Variants in OTUD7A observed in about 807,000 individuals in gnomAD.
OTUD7A encodes OTU deubiquitinase 7A, also known as OTU domain-containing protein 7A.
A neutral mutation model predicts 65.7 loss-of-function variants in OTUD7A; 12 were observed. The ratio of observed to expected loss-of-function variants is 0.18; its 90% CI spans 0.12 to 0.30. The LOEUF is 0.30. Among genes scored for constraint, OTUD7A ranks in the 10% least tolerant of loss-of-function variants. OTUD7A has a pLI of 1.00. For missense variants in OTUD7A, 1,148 were observed against 1,304.8 expected, an observed-to-expected ratio of 0.88 and a Z score of 1.85; for synonymous variants, 641 against 586.3, an observed-to-expected ratio of 1.09 and a Z score of -1.35.
chr15:31,680,863 T>C (rs1892697387), intron 1 of OTUD7A, among the ~76,000 whole-genome samples: 1 of 151,666 alleles, frequency 6.6e-6, no homozygotes, highest in Non-Finnish European at 1.5e-5. Context: ...GGGCTAGTTT[T>C]GAGTTGAGGT....
At chr15:31,636,852 G>T (rs146732252) in intron 3 of OTUD7A, among the ~76,000 whole-genome samples, 95 of 152,284 alleles carry the variant, frequency 6.2e-4, no homozygotes, top group African/African-American at 2.2e-3. Flanking sequence ...CTAATCCAGA[G>T]CAAGACCCTA....
intron 1 of OTUD7A, among the ~76,000 whole-genome samples, chr15:31,685,997 T>C (rs1892827645): frequency 6.6e-6 from 1 of 152,232 alleles, no homozygotes; most frequent in Admixed American, 6.5e-5. Context: ...TTTATACTTA[T>C]GCCATCTCAC....
intron 3 of OTUD7A, among the ~76,000 whole-genome samples, chr15:31,587,346 T>C (rs1010909109): frequency 7.2e-5 from 11 of 151,866 alleles, no homozygotes; most frequent in African/African-American, 2.7e-4. Flanking sequence ...CCTTTGAAAA[T>C]GTAAATCTTG....
At chr15:31,651,445 A>C (rs1891832091) in intron 3 of OTUD7A, among the ~76,000 whole-genome samples, 1 of 152,122 alleles carries the variant, frequency 6.6e-6, no homozygotes, top group Admixed American at 6.5e-5. Context: ...CCACTATTTA[A>C]CCTTTTGAAT....
intron 1 of OTUD7A, among the ~76,000 whole-genome samples, chr15:31,866,038 T>C (rs1777458738): frequency 1.3e-5 from 2 of 152,258 alleles, no homozygotes; most frequent in African/African-American, 2.4e-5. Context: ...ACTTCAATCC[T>C]ACAAAATGAG....
At chr15:31,812,550 C>A (rs74501703) in intron 1 of OTUD7A, among the ~76,000 whole-genome samples, 2,059 of 152,240 alleles carry the variant, frequency 0.014, 43 homozygotes, top group African/African-American at 0.047. Context: ...AGAGCCAAAT[C>A]TCCCTTTTTG....
At chr15:31,767,870 G>T in intron 1 of OTUD7A, 1 of 1,264,790 alleles carries the variant, frequency 7.9e-7, no homozygotes, top group Non-Finnish European at 1.2e-6. Context: ...TCGTGGTAGA[G>T]TTTTAAGTGG....
intron 1 of OTUD7A, among the ~76,000 whole-genome samples, chr15:31,797,996 G>A (rs1179958577): frequency 6.6e-6 from 1 of 152,114 alleles, no homozygotes; most frequent in African/African-American, 2.4e-5. Context: ...GGAGACACCC[G>A]CCTTTTCACT....
At chr15:31,728,587 C>T (rs1893958568) in intron 1 of OTUD7A, among the ~76,000 whole-genome samples, 1 of 151,748 alleles carries the variant, frequency 6.6e-6, no homozygotes, top group Non-Finnish European at 1.5e-5. Context: ...TGTGAGCTTT[C>T]TTCCCTCAAC....
intron 3 of OTUD7A, among the ~76,000 whole-genome samples, chr15:31,611,587 A>G (rs1424653121): frequency 6.6e-6 from 1 of 152,190 alleles, no homozygotes; most frequent in Non-Finnish European, 1.5e-5. Context: ...GGAAAAATAC[A>G]ACCCTCAGCT....
At chr15:31,667,661 T>C (rs1892357481) in intron 1 of OTUD7A, among the ~76,000 whole-genome samples, 1 of 152,210 alleles carries the variant, frequency 6.6e-6, no homozygotes, top group Admixed American at 6.5e-5. Context: ...TACCATTGCA[T>C]TCATTGTGCT....
intron 5 of OTUD7A, among the ~76,000 whole-genome samples, chr15:31,548,995 G>A (rs910310753): frequency 1.3e-5 from 2 of 152,032 alleles, no homozygotes; most frequent in Admixed American, 1.3e-4. Context: ...AATTAGCCAG[G>A]TATGGTGGTG....
At position 31,559,135 on chromosome 15, in the gene OTUD7A, C is replaced by T. The variant is rs1395339696; in HGVS notation, c.384G>A (p.Leu128=). ...ATTCACTTGCCACGTGGGACCGGGC[C>T]AGGGAGACGATGGCTGAGCTGGCGT... The part of the protein sequence containing the change: ...ISHASSAIVS[L]ARSHVASECN... The change falls in exon 5 of 13, where the codon CTG becomes CTA. Residue 128 remains leucine (L), a synonymous_variant. Transcript: ENST00000307050. 1.2e-6 allele frequency: 2 copies of T among 1,614,060 alleles called. No homozygotes were observed. Among genetic ancestry groups the T allele is most frequent in the African/African-American group, 2.7e-5 (2 of 74,910 alleles).
At chr15:31,689,906 C>T (rs1033072882) in intron 1 of OTUD7A, among the ~76,000 whole-genome samples, 66 of 151,920 alleles carry the variant, frequency 4.3e-4, no homozygotes, top group African/African-American at 1.5e-3. Context: ...CTGCAGGGAA[C>T]CTCAAAGTGA....
chr15:31,640,019 C>A (rs1487984233), intron 3 of OTUD7A, among the ~76,000 whole-genome samples: 2 of 152,172 alleles, frequency 1.3e-5, no homozygotes, highest in East Asian at 3.8e-4. Context: ...TTAATGAAGT[C>A]CAATTTATTA....
At chr15:31,855,272 G>A (rs1320261014) in intron 1 of OTUD7A, among the ~76,000 whole-genome samples, 2 of 152,048 alleles carry the variant, frequency 1.3e-5, no homozygotes, top group Non-Finnish European at 1.5e-5. Context: ...AAAACAGGCT[G>A]ACTTCAAATT....
At chr15:31,754,846 C>A (rs183751373) in intron 1 of OTUD7A, among the ~76,000 whole-genome samples, 84 of 152,222 alleles carry the variant, frequency 5.5e-4, no homozygotes, top group African/African-American at 2.0e-3. Context: ...ACATTGTGAA[C>A]CTCCTGAAAG....
intron 1 of OTUD7A, among the ~76,000 whole-genome samples, chr15:31,760,720 AT>A (rs1275752719): frequency 6.6e-6 from 1 of 152,190 alleles, no homozygotes; most frequent in East Asian, 1.9e-4. Context: ...TAAAATTCAT[AT>A]GGAAATTCAA....
intron 1 of OTUD7A, among the ~76,000 whole-genome samples, chr15:31,820,569 A>G (rs1286124957): frequency 6.6e-6 from 1 of 152,176 alleles, no homozygotes; most frequent in Non-Finnish European, 1.5e-5. Context: ...CACTATTGCT[A>G]TCCTCATGCA....
Sources: gnomAD v4.1 joint callset for allele counts (sites outside exome capture counted in the v4.1 genomes callset) on GRCh38, gnomAD v4.1.1 for gene constraint, MANE v1.5 for transcripts, NCBI Gene and HGNC (gene_info 2026-07-23, HGNC 2026-07-21) for gene names.